The following FAM13C variants were observed in gnomAD, a reference collection of about 807,000 sequenced individuals.
FAM13C encodes protein FAM13C.
A neutral mutation model predicts 73.2 loss-of-function variants in FAM13C; 37 were observed. The observed-to-expected ratio is 0.51, with a 90% CI of 0.39 to 0.67. The LOEUF is 0.67. Ranked by LOEUF, FAM13C falls within the 30% of genes least tolerant of loss-of-function variation. The pLI, the probability that FAM13C is intolerant of heterozygous loss-of-function variation, is 0.00. For synonymous variants in FAM13C, 246 were observed against 260.9 expected, an observed-to-expected ratio of 0.94 and a Z score of 0.55; for missense variants, 589 against 715.6, an observed-to-expected ratio of 0.82 and a Z score of 2.02.
At chr10:59,278,761 G>C (rs2133643396) in intron 6 of FAM13C, among the ~76,000 whole-genome samples, 1 of 152,072 alleles carries the variant, frequency 6.6e-6, no homozygotes, top group Admixed American at 6.6e-5. Context: ...TTCAGTTAAA[G>C]CATTAGATGG....
intron 3 of FAM13C, among the ~76,000 whole-genome samples, chr10:59,347,408 G>A (rs1434117108): frequency 2.6e-5 from 4 of 152,118 alleles, no homozygotes; most frequent in African/African-American, 9.7e-5. Flanking sequence ...TCCTCCAGAA[G>A]TAGAACTTCT....
Position 59,268,534 on chromosome 10 carries a change from C to G in FAM13C, c.942+19G>C. The G allele has an allele frequency of 6.2e-7, 1 of 1,613,066 alleles. No homozygotes were observed. Among genetic ancestry groups the G allele is most frequent in the Non-Finnish European group, 8.5e-7 (1 of 1,179,364 alleles). On this transcript the variant is annotated intron_variant, in intron 8 of 13. Transcript: ENST00000618804. ...ACCTCTGACCAATCCGCTCCTATGTCAAACCCCAGGGTTCTTACCCGGTAT... is the reference window on the plus strand; with the variant it reads ...ACCTCTGACCAATCCGCTCCTATGTGAAACCCCAGGGTTCTTACCCGGTAT...
chr10:59,288,611 T>C (rs1230333146), intron 5 of FAM13C, among the ~76,000 whole-genome samples: 1 of 152,210 alleles, frequency 6.6e-6, no homozygotes, highest in Non-Finnish European at 1.5e-5. Flanking sequence ...GGCTGGTTTA[T>C]TCCTTCTTCA....
chr10:59,270,233 G>A (rs1843557967), intron 6 of FAM13C, 124 bp from the exon 7 acceptor site: 1 of 928,848 alleles, frequency 1.1e-6, no homozygotes, highest in Non-Finnish European at 1.6e-6. Flanking sequence ...TCTTCCTTCT[G>A]GGGATATGAA....
Position 59,362,496 on chromosome 10 carries a change from G to C in FAM13C, c.-36C>G. On this transcript the variant is annotated 5_prime_UTR_variant, in exon 1 of 14. Coordinates refer to ENST00000618804, the MANE Select transcript of FAM13C (RefSeq NM_198215.4). Reference sequence around the variant, plus strand: ...TGGCCGGGGAGCCGTCTCCCTGATTGCTCTCCGGGAGTTAGAGCACATACA... The same window carrying C: ...TGGCCGGGGAGCCGTCTCCCTGATTCCTCTCCGGGAGTTAGAGCACATACA... The C allele has an allele frequency of 6.2e-7, 1 of 1,607,924 alleles. No homozygotes were observed. Among genetic ancestry groups the C allele is most frequent in the South Asian group, 1.1e-5 (1 of 89,752 alleles).
chr10:59,262,444 T>G lies in FAM13C; in HGVS notation c.1226A>C (p.Glu409Ala). ...KERREQLPPQ[E>A]DSKVTKQDKN... ...GACATGGTGATGTACCTTAGAATCC[T>G]CCTGGGGAGGAAGTTGCTCTCTTCT... The change falls in exon 10 of 14, where the codon GAG (glutamate) becomes GCG (alanine). Residue 409 changes from glutamate to alanine, a missense_variant. Coordinates refer to ENST00000618804, the MANE Select transcript of FAM13C (RefSeq NM_198215.4). 1.2e-6 allele frequency: 2 copies of G among 1,613,548 alleles called. No individual in the cohort carries two copies. The highest frequency in any genetic ancestry group is 1.7e-6 in the Non-Finnish European group (2 of 1,179,646).
intron 3 of FAM13C, among the ~76,000 whole-genome samples, chr10:59,329,429 G>A (rs1392050322): frequency 1.6e-5 from 2 of 127,654 alleles, no homozygotes; most frequent in Non-Finnish European, 3.1e-5. Flanking sequence ...ATACGATCTC[G>A]ACTCACTGCA....
At position 59,257,017 on chromosome 10, in the gene FAM13C, T is replaced by A. The variant is rs1168016420; in HGVS notation, c.1237-2574A>T. On this transcript the variant is annotated intron_variant, in intron 10 of 13. Coordinates refer to ENST00000618804, the MANE Select transcript of FAM13C (RefSeq NM_198215.4). ...AGGAAACAAGGTTTCCTTTATGTTT[T>A]CGGTTACACGTTGAATAACCTAAAA... is the stretch of plus-strand genomic sequence containing the variant. Among the ~76,000 whole-genome samples the A allele has an allele frequency of 5.3e-5, 8 of 152,316 alleles. No homozygotes were observed. The East Asian group carries it at 1.2e-3, about 22-fold the overall frequency.
At chr10:59,360,737 ATCAC>A (rs1188969596) in intron 1 of FAM13C, among the ~76,000 whole-genome samples, 1 of 151,936 alleles carries the variant, frequency 6.6e-6, no homozygotes, top group Non-Finnish European at 1.5e-5. Context: ...TTTAAAATAA[ATCAC>A]TGTCACTCCT....
chr10:59,292,389 TTCA>T (rs1846364360), intron 5 of FAM13C, among the ~76,000 whole-genome samples: 1 of 152,208 alleles, frequency 6.6e-6, no homozygotes, highest in Non-Finnish European at 1.5e-5. Flanking sequence ...CTGAAAAATA[TTCA>T]CCTTCAAAAC....
chr10:59,358,322 G>A (rs1455692008), intron 1 of FAM13C, among the ~76,000 whole-genome samples: 1 of 152,174 alleles, frequency 6.6e-6, no homozygotes, highest in African/African-American at 2.4e-5. Flanking sequence ...AGGCTGTAGT[G>A]AGCCGGGATC....
chr10:59,343,343 T>C (rs898584840), intron 3 of FAM13C, among the ~76,000 whole-genome samples: 1 of 152,232 alleles, frequency 6.6e-6, no homozygotes, highest in Non-Finnish European at 1.5e-5. Flanking sequence ...TAATTAATAT[T>C]CTTTTTCTTC....
At chr10:59,359,737 G>C (rs1471911005) in intron 1 of FAM13C, among the ~76,000 whole-genome samples, 3 of 152,180 alleles carry the variant, frequency 2.0e-5, no homozygotes, top group African/African-American at 7.2e-5. Context: ...GCACTGTCCT[G>C]ACACCAATAC....
intron 8 of FAM13C, among the ~76,000 whole-genome samples, chr10:59,266,890 A>G (rs1334756558): frequency 6.6e-6 from 1 of 152,238 alleles, no homozygotes; most frequent in East Asian, 1.9e-4. Context: ...ATTTAAATAT[A>G]TAACTCATAG....
chr10:59,262,295 T>C, intron 10 of FAM13C, 139 bp downstream of exon 10: 2 of 709,796 alleles, frequency 2.8e-6, no homozygotes, highest in Non-Finnish European at 2.3e-6. Context: ...CAGTAACCTG[T>C]CAGGAACTCA....
intron 3 of FAM13C, among the ~76,000 whole-genome samples, chr10:59,326,074 T>C (rs907833887): frequency 2.6e-5 from 4 of 152,126 alleles, no homozygotes; most frequent in Non-Finnish European, 4.4e-5. Context: ...TTTATCTAAC[T>C]CTTTGAATCT....
chr10:59,362,898 A>C, upstream of FAM13C: 1 of 192,210 alleles, frequency 5.2e-6, no homozygotes, highest in Non-Finnish European at 1.0e-5. Flanking sequence ...GTCTCCTACC[A>C]ATTTTACAGA....
At chr10:59,360,987 C>T (rs1856338406) in intron 1 of FAM13C, 1 of 1,284,072 alleles carries the variant, frequency 7.8e-7, no homozygotes, top group Non-Finnish European at 1.0e-6. Flanking sequence ...CCAGAAAGCA[C>T]TTAGTACTTT....
chr10:59,344,961 G>T (rs1025554225), intron 3 of FAM13C, among the ~76,000 whole-genome samples: 1 of 152,136 alleles, frequency 6.6e-6, no homozygotes, highest in Non-Finnish European at 1.5e-5. Flanking sequence ...TGTGTCGGTA[G>T]ATCTTGACTG....
Sources: gnomAD v4.1 joint callset for allele counts (sites outside exome capture counted in the v4.1 genomes callset) on GRCh38, gnomAD v4.1.1 for gene constraint, MANE v1.5 for transcripts, NCBI Gene and HGNC (gene_info 2026-07-23, HGNC 2026-07-21) for gene names.